The following FAT2 variants were observed in gnomAD, a reference collection of about 807,000 sequenced individuals.
FAT2 encodes protocadherin Fat 2.
In FAT2, 150 loss-of-function variants were observed where a neutral mutation model predicts 295.3. The observed-to-expected ratio is 0.51, with a 90% CI of 0.44 to 0.58. The LOEUF (loss-of-function observed/expected upper bound fraction) is 0.58. FAT2 is among the 20% of genes least tolerant of loss of function. FAT2 has a pLI of 0.00. For missense variants in FAT2, 4,868 were observed against 5,442.7 expected (o/e 0.89, Z 3.32); for synonymous variants, 2,026 against 2,150.3 (o/e 0.94, Z 1.60).
Position 151,550,621 on chromosome 5 carries a change from G to A in FAT2, c.4547C>T (p.Ser1516Leu), listed in dbSNP as rs532756393. ...LVTVGKLDLGSGPSQHTLTVM... is the reference protein window; with the variant it reads ...LVTVGKLDLGLGPSQHTLTVM... ...TGTCAGTGTGTGCTGGGAGGGCCCC[G>A]AGCCGAGGTCCAATTTTCCCACCGT... Residue 1516 changes from serine to leucine, a missense_variant, in exon 8 of 24, where the codon TCG becomes TTG. Ser to Leu is a moderately radical substitution (Grantham distance 145). This residue lies in a region of FAT2 where 3,297 missense variants were observed against 3,669.4 expected (regional missense o/e 0.90). Coordinates refer to ENST00000261800, the MANE Select transcript of FAT2 (RefSeq NM_001447.3). 6.8e-6 allele frequency: 11 copies of A among 1,614,112 alleles called. No homozygotes were observed. Among genetic ancestry groups the A allele is most frequent in the Admixed American group, 1.7e-5 (1 of 60,022 alleles).
At chr5:151,594,469 T>C (rs1759513456), upstream of FAT2, among the ~76,000 whole-genome samples, 1 of 150,650 alleles carries the variant, frequency 6.6e-6, no homozygotes, top group Non-Finnish European at 1.5e-5. Flanking sequence ...TCAGTATTCA[T>C]AACTGATTCT....
intron 12 of FAT2, among the ~76,000 whole-genome samples, chr5:151,536,782 C>G (rs1290968263): frequency 6.6e-6 from 1 of 152,200 alleles, no homozygotes; most frequent in East Asian, 1.9e-4. Context: ...GCATAGATAC[C>G]TTGAGATCAT....
intron 3 of FAT2, among the ~76,000 whole-genome samples, chr5:151,561,576 G>A (rs745794529): frequency 6.6e-6 from 1 of 152,090 alleles, no homozygotes; most frequent in Admixed American, 6.5e-5. Context: ...TGTTTTGTAC[G>A]GATGGGATTT....
chr5:151,546,723 C>CTT (rs796620329), intron 9 of FAT2, among the ~76,000 whole-genome samples: 26 of 146,126 alleles, frequency 1.8e-4, no homozygotes, highest in African/African-American at 6.5e-4. Context: ...TTTTGTATAA[C>CTT]TTTTTTTTTT....
In FAT2 at chr5:151,543,520, T is replaced by A. The variant is rs752351357; in HGVS notation, c.7607A>T (p.Gln2536Leu). 10 of 1,614,262 alleles carry A rather than the reference T, an allele frequency of 6.2e-6. No individual in the cohort carries two copies. Among genetic ancestry groups the A allele is most frequent in the Non-Finnish European group, 7.6e-6 (9 of 1,180,042 alleles). The change falls in exon 10 of 24, where the codon CAG (glutamine) becomes CTG (leucine). Residue 2536 changes from glutamine (Q) to leucine (L), a missense_variant. Physicochemically the swap from Gln to Leu is moderately radical, Grantham distance 113. This residue lies in a region of FAT2 where 3,297 missense variants were observed against 3,669.4 expected (regional missense o/e 0.90). Transcript: ENST00000261800. ...ATCCAGTTTCTGCAGAGTGGCAATC[T>A]GGCCATTGGGGTTTATGGAGAACTT... ...SEKFSINPNGQIATLQKLDRE... is the reference protein window; with the variant it reads ...SEKFSINPNGLIATLQKLDRE...
chr5:151,542,616 A>T lies in FAT2; in HGVS notation c.8511T>A (p.Ser2837=). Reference sequence around the variant, plus strand: ...CATGGACATTGCTACCAGGGTCTGCAGACAGCCTGTAGCTCACCTGGCCAT... The same window carrying T: ...CATGGACATTGCTACCAGGGTCTGCTGACAGCCTGTAGCTCACCTGGCCAT... The part of the protein sequence containing the change: ...GRDGQVSYRL[S]ADPGSNVHEL... The change falls in exon 10 of 24, where the codon TCT becomes TCA. Residue 2837 remains serine (S), a synonymous_variant. Coordinates refer to ENST00000261800, the MANE Select transcript of FAT2 (RefSeq NM_001447.3). 1 of 1,614,226 alleles carries T rather than the reference A, an allele frequency of 6.2e-7. No homozygotes were observed. Among genetic ancestry groups the T allele is most frequent in the Non-Finnish European group, 8.5e-7 (1 of 1,180,036 alleles).
At position 151,531,006 on chromosome 5, in the gene FAT2, C is replaced by T. The variant is rs1754531463; in HGVS notation, c.9811+581G>A. Among the ~76,000 whole-genome samples, 1 of 152,194 alleles carries T rather than the reference C, an allele frequency of 6.6e-6. No individual in the cohort carries two copies. The highest frequency in any genetic ancestry group is 1.5e-5 in the Non-Finnish European group (1 of 68,038). ...GCCATGGGGAGGAATCTGTGTGAGA[C>T]ACAGGCTGACCTGGGTGGCCTCTGA... On this transcript the variant is annotated intron_variant, in intron 14 of 23. Coordinates refer to ENST00000261800, the MANE Select transcript of FAT2 (RefSeq NM_001447.3). The surrounding 1 kb of genome is among the most constrained non-coding windows in gnomAD (Gnocchi z 5.7).
Position 151,567,628 on chromosome 5 carries a change from G to A in FAT2, c.1304C>T (p.Thr435Ile), listed in dbSNP as rs1168732715. Reference sequence around the variant, plus strand: ...CACGGTGGAGGCCTGGCCCGGTGAGGTTCTGATGTGTAGCTGATAGTGGGC... The same window carrying A: ...CACGGTGGAGGCCTGGCCCGGTGAGATTCTGATGTGTAGCTGATAGTGGGC... ...DRAHYQLHIR[T>I]SPGQASTVVV... is the part of the protein sequence containing the mutation. The change falls in exon 2 of 24, where the codon ACC (threonine) becomes ATC (isoleucine). Residue 435 changes from threonine to isoleucine, a missense_variant. Physicochemically the swap from Thr to Ile is moderately conservative, Grantham distance 89. Around this residue, in one of 5 missense-constraint regions of FAT2, gnomAD observed 3,297 missense variants for 3,669.4 expected, o/e 0.90. Coordinates refer to ENST00000261800, the MANE Select transcript of FAT2 (RefSeq NM_001447.3). 6.2e-7 allele frequency: 1 copy of A among 1,614,132 alleles called. No individual in the cohort carries two copies. Among genetic ancestry groups the A allele is most frequent in the Non-Finnish European group, 8.5e-7 (1 of 1,180,016 alleles).
intron 6 of FAT2, among the ~76,000 whole-genome samples, chr5:151,551,989 G>GTA (rs1381784257): frequency 6.6e-6 from 1 of 151,440 alleles, no homozygotes; most frequent in Non-Finnish European, 1.5e-5. Context: ...GTGTGTGTGT[G>GTA]TGTGTGTGTG....
intron 23 of FAT2, 101 bp from the exon 24 acceptor site, chr5:151,506,198 G>T: frequency 7.7e-7 from 1 of 1,295,584 alleles, no homozygotes; most frequent in Non-Finnish European, 1.0e-6. Context: ...GTGGAGATGG[G>T]AGTGGGTGGG....
At position 151,543,004 on chromosome 5, in the gene FAT2, G is replaced by GACCC. The variant is rs1475658971; in HGVS notation, c.8119_8122dup (p.Ser2708TrpfsTer3). The GACCC allele has an allele frequency of 1.2e-6, 2 of 1,614,166 alleles. No individual in the cohort carries two copies. Among genetic ancestry groups the GACCC allele is most frequent in the Non-Finnish European group, 1.7e-6 (2 of 1,180,036 alleles). On this transcript the variant is annotated frameshift_variant, in exon 10 of 24. Transcript: ENST00000261800. LOFTEE classifies it high-confidence loss of function. ...CACTGCTTTAACAATCCCAATTTCA[G>GACCC]ACCCCTCTGGAAGGTCTTCAGGTGC...
At position 151,545,289 on chromosome 5, in the gene FAT2, GC is replaced by G; in HGVS notation, c.5837del (p.Gly1946AlafsTer9). On this transcript the variant is annotated frameshift_variant, in exon 10 of 24. Transcript: ENST00000261800. LOFTEE classifies it high-confidence loss of function. The stretch of plus-strand genomic sequence containing the variant: ...TTACCAGCGCAGTGTCTTGATACAA[GC>G]CATCAGAAGCCCTGATGGTGAGCTT... Reference protein sequence around the residue: ...SRKLTIRASDGLYQDTALVKI... With the variant: ...SRKLTIRASDXLYQDTALVKI... 1 of 1,614,134 alleles carries G rather than the reference GC, an allele frequency of 6.2e-7. No individual in the cohort carries two copies. Among genetic ancestry groups the G allele is most frequent in the Non-Finnish European group, 8.5e-7 (1 of 1,179,996 alleles).
At position 151,545,509 on chromosome 5, in the gene FAT2, G is replaced by T. The variant is rs1244486268; in HGVS notation, c.5618C>A (p.Ser1873Ter). 1 of 1,614,164 alleles carries T rather than the reference G, an allele frequency of 6.2e-7. No homozygotes were observed. Residue 1873 changes from serine to a stop codon, truncating the protein, a stop_gained, in exon 10 of 24, where the codon TCA becomes TAA. Transcript: ENST00000261800. LOFTEE classifies it high-confidence loss of function. Reference sequence around the variant, plus strand: ...TATTGCTACCTCATATATCTGTTCTGAGAATCTGGGAGGGGAATCATTCAC... The same window carrying T: ...TATTGCTACCTCATATATCTGTTCTTAGAATCTGGGAGGGGAATCATTCAC... ...RDVNDSPPRF[S>*]EQIYEVAIVG...
At chr5:151,593,293 C>T (rs941699592), upstream of FAT2, among the ~76,000 whole-genome samples, 7 of 152,228 alleles carry the variant, frequency 4.6e-5, no homozygotes, top group Admixed American at 1.3e-4. Context: ...GAGTAGCAGG[C>T]GACTGTCTTC....
At chr5:151,529,051 AGAGTC>A (rs1260581287) in intron 15 of FAT2, 122 bp downstream of exon 15, 1 of 752,808 alleles carries the variant, frequency 1.3e-6, no homozygotes, top group Non-Finnish European at 2.2e-6. Context: ...CTGACAAGTC[AGAGTC>A]AAGTCTACAG....
chr5:151,524,767 C>G (rs1057471152), intron 18 of FAT2, among the ~76,000 whole-genome samples: 1 of 152,154 alleles, frequency 6.6e-6, no homozygotes, highest in Non-Finnish European at 1.5e-5. Context: ...ATACCTCAAG[C>G]CACTTCAGGC....
intron 20 of FAT2, among the ~76,000 whole-genome samples, chr5:151,515,682 A>C (rs1243573833): frequency 1.3e-5 from 2 of 152,288 alleles, no homozygotes; most frequent in African/African-American, 4.8e-5. Flanking sequence ...TTTGCCTTCA[A>C]AATCTTTGTA....
In FAT2 at chr5:151,544,180, G is replaced by A; in HGVS notation, c.6947C>T (p.Ser2316Leu). The A allele has an allele frequency of 6.2e-7, 1 of 1,614,188 alleles. No individual in the cohort carries two copies. The highest frequency in any genetic ancestry group is 8.5e-7 in the Non-Finnish European group (1 of 1,180,026). Residue 2316 changes from serine to leucine, a missense_variant, in exon 10 of 24, where the codon TCA becomes TTA. By Grantham distance (145) the Ser-to-Leu change is moderately radical (BLOSUM62 -2). Coordinates refer to ENST00000261800, the MANE Select transcript of FAT2 (RefSeq NM_001447.3). Reference protein sequence around the residue: ...DVSYQIVEDGSDVSKFFQING... With the variant: ...DVSYQIVEDGLDVSKFFQING... ...GATCTGGAAGAACTTGGAAACATCT[G>A]AGCCATCCTCCACAATCTGATAAGA...
At chr5:151,533,218 CTGGAGGTGTGTAAGCAGTGGCTAA>C (rs1561836904) in intron 13 of FAT2, among the ~76,000 whole-genome samples, 1 of 152,044 alleles carries the variant, frequency 6.6e-6, no homozygotes, top group Non-Finnish European at 1.5e-5. Context: ...CATCCTGTCC[CTGGAGGTGTGTAAGCAGTGGCTAA>C]TGGAGCACTT....
Sources: allele counts gnomAD v4.1 joint callset (sites outside exome capture counted in the v4.1 genomes callset), GRCh38; gene constraint gnomAD v4.1.1; regional missense constraint gnomAD v4.1.1; non-coding constraint Gnocchi (gnomAD v3.1); transcripts MANE v1.5; gene names NCBI Gene and HGNC (gene_info 2026-07-23, HGNC 2026-07-21).